Variants in AK7 observed in about 807,000 individuals in gnomAD.
The protein encoded by AK7 is ATP-AMP transphosphorylase 7.
In AK7, 78 loss-of-function variants were observed where a neutral mutation model predicts 96.6. That is an observed-to-expected ratio of 0.81 (90% CI 0.67 to 0.97). AK7 has a LOEUF of 0.97. AK7 is among the 50% of genes least tolerant of loss of function. The pLI, the probability that AK7 is intolerant of heterozygous loss-of-function variation, is 0.00. For missense variants in AK7, 855 were observed against 887.9 expected, an observed-to-expected ratio of 0.96 and a Z score of 0.47; for synonymous variants, 302 against 317.2, an observed-to-expected ratio of 0.95 and a Z score of 0.51.
chr14:96,456,624 A>G, intron 11 of AK7, 149 bp downstream of exon 11: 1 of 840,918 alleles, frequency 1.2e-6, no homozygotes, highest in Non-Finnish European at 1.8e-6. Flanking sequence ...CCTAATCAGT[A>G]GCCAGGGGAA....
At position 96,423,782 on chromosome 14, in the gene AK7, G is replaced by T. The variant is rs895540246; in HGVS notation, c.609+2850G>T. 6.2e-5 allele frequency: 46 copies of T among 739,818 alleles called. 1 individual carries two copies. The highest frequency in any genetic ancestry group is 3.2e-4 in the South Asian group (24 of 74,174). 45.8% of individuals were successfully genotyped at this position (739,818 alleles called of 1,614,324 possible). A position where few individuals can be genotyped will look rare whatever the true frequency, so the allele number is the denominator to read the frequency against. On this transcript the variant is annotated intron_variant, in intron 5 of 17. Transcript: ENST00000267584. ...CGTGCCGGCCACCGGGACCCCGAGC[G>T]CGTACTTTTTACGGGGGGACGCCAC...
intron 7 of AK7, among the ~76,000 whole-genome samples, 187 bp downstream of exon 7, chr14:96,443,005 G>C (rs1893042404): frequency 1.3e-5 from 2 of 152,176 alleles, no homozygotes; most frequent in Admixed American, 6.5e-5. Context: ...AGTGCCCACT[G>C]TTCAAAAGTT....
At chr14:96,402,185 GCACACACACACA>G (rs34222287) in intron 2 of AK7, among the ~76,000 whole-genome samples, 66 of 146,264 alleles carry the variant, frequency 4.5e-4, no homozygotes, top group African/African-American at 1.6e-3. Context: ...ATACACAGAT[GCACACACACACA>G]CACACACACA....
At chr14:96,458,239 G>T in intron 12 of AK7, 27 bp downstream of exon 12, 1 of 1,609,548 alleles carries the variant, frequency 6.2e-7, no homozygotes, top group East Asian at 2.2e-5. Context: ...AGAGAGCCAC[G>T]CTGCTCTTGT....
At chr14:96,397,018 G>A (rs1890120095) in intron 1 of AK7, among the ~76,000 whole-genome samples, 1 of 152,202 alleles carries the variant, frequency 6.6e-6, no homozygotes, top group African/African-American at 2.4e-5. Context: ...GATTGGTTGA[G>A]GCCAGGAGTT....
intron 15 of AK7, among the ~76,000 whole-genome samples, chr14:96,481,547 C>T (rs1173755475): frequency 6.6e-5 from 10 of 151,802 alleles, no homozygotes; most frequent in African/African-American, 1.9e-4. Context: ...GGTTTTACCA[C>T]GTTGGCCAGG....
chr14:96,431,686 C>A (rs1489674160), intron 5 of AK7, among the ~76,000 whole-genome samples: 1 of 152,068 alleles, frequency 6.6e-6, no homozygotes, highest in East Asian at 1.9e-4. Flanking sequence ...ACTATGTGGT[C>A]AATTTTGGAA....
At chr14:96,408,995 A>G in intron 4 of AK7, 54 bp downstream of exon 4, 3 of 1,570,298 alleles carry the variant, frequency 1.9e-6, no homozygotes, top group Non-Finnish European at 1.7e-6. Flanking sequence ...AACACCTTGT[A>G]ATCTGTGTGT....
Position 96,420,894 on chromosome 14 carries a change from A to G in AK7, c.571A>G (p.Ile191Val). ...GTCTCATCCTAATTTTCTGGACCAC[A>G]TAAATGCTGAAAAAATGGTTCTCAA... ...RKSHPNFLDH[I>V]NAEKMVLKFG... Residue 191 changes from isoleucine to valine, a missense_variant, in exon 5 of 18, where the codon ATA becomes GTA. Coordinates refer to ENST00000267584, the MANE Select transcript of AK7 (RefSeq NM_152327.5). The G allele has an allele frequency of 1.2e-6, 2 of 1,613,422 alleles. No individual in the cohort carries two copies. The highest frequency in any genetic ancestry group is 1.7e-6 in the Non-Finnish European group (2 of 1,179,414).
chr14:96,456,755 A>G, intron 11 of AK7: 1 of 296,084 alleles, frequency 3.4e-6, no homozygotes, highest in East Asian at 7.9e-5. Flanking sequence ...CCCGCAATGA[A>G]CACAAGTGTG....
At chr14:96,405,258 C>T (rs190384767) in intron 3 of AK7, among the ~76,000 whole-genome samples, 1 of 152,232 alleles carries the variant, frequency 6.6e-6, no homozygotes, top group African/African-American at 2.4e-5. Flanking sequence ...TCATAGCTCA[C>T]TACAGCCTCG....
intron 12 of AK7, 103 bp from the exon 13 acceptor site, chr14:96,471,375 A>C: frequency 1.8e-6 from 1 of 553,534 alleles, no homozygotes; most frequent in East Asian, 3.8e-5. Flanking sequence ...GATTTCCAAT[A>C]GTACCTTTGA....
chr14:96,487,733 G>T (rs1895855875), intron 17 of AK7, among the ~76,000 whole-genome samples: 1 of 151,920 alleles, frequency 6.6e-6, no homozygotes, highest in African/African-American at 2.4e-5. Context: ...GGCCTAATCT[G>T]CCTGAATCTT....
At position 96,442,726 on chromosome 14, in the gene AK7, T is replaced by G; in HGVS notation, c.691-4T>G. The G allele has an allele frequency of 1.2e-6, 2 of 1,613,860 alleles. No homozygotes were observed. On this transcript the variant is annotated splice_region_variant and splice_polypyrimidine_tract_variant and intron_variant, in intron 6 of 17. Coordinates refer to ENST00000267584, the MANE Select transcript of AK7 (RefSeq NM_152327.5). ...GGACATGATTTTGCTTTTCTTCCTT[T>G]CAGATGGCTTGGTTGGGCGAGATTC...
chr14:96,451,890 A>G (rs1893626982), intron 10 of AK7, among the ~76,000 whole-genome samples: 1 of 152,184 alleles, frequency 6.6e-6, no homozygotes, highest in Non-Finnish European at 1.5e-5. Flanking sequence ...CAAATTGCAC[A>G]TGATAGCAAG....
At chr14:96,403,040 T>G (rs12050328) in intron 2 of AK7, among the ~76,000 whole-genome samples, 13,044 of 151,728 alleles carry the variant, frequency 0.086, 726 homozygotes, top group South Asian at 0.26. Flanking sequence ...TGCTTGAATC[T>G]GGGAGGTGGA....
intron 8 of AK7, 70 bp downstream of exon 8, chr14:96,446,677 A>C: frequency 1.4e-5 from 19 of 1,390,608 alleles, no homozygotes; most frequent in South Asian, 2.3e-5. Context: ...GCGGTGGCTC[A>C]TGCCTGTAAT....
intron 5 of AK7, among the ~76,000 whole-genome samples, chr14:96,425,480 A>ATTTTTTTTTTTTTTTTTTTTTTTTTTTT: frequency 8.4e-6 from 1 of 119,142 alleles, no homozygotes; most frequent in Non-Finnish European, 1.7e-5. Flanking sequence ...AGTCACACTG[A>ATTTTTTTTTTTTTTTTTTTTTTTTTTTT]TTTTTTTTTT....
chr14:96,437,780 C>T (rs1892723354), intron 5 of AK7, 55 bp from the exon 6 acceptor site: 3 of 1,341,366 alleles, frequency 2.2e-6, no homozygotes, highest in South Asian at 2.5e-5. Context: ...TAATCTGGTT[C>T]AGTATGACTA....
Sources: gnomAD v4.1 joint callset for allele counts (sites outside exome capture counted in the v4.1 genomes callset) on GRCh38, gnomAD v4.1.1 for gene constraint, MANE v1.5 for transcripts, NCBI Gene and HGNC (gene_info 2026-07-23, HGNC 2026-07-21) for gene names.